The following RAPGEF2 variants were observed in gnomAD, a reference collection of about 807,000 sequenced individuals.
RAPGEF2 encodes the protein PDZ domain containing guanine nucleotide exchange factor (GEF) 1.
Under a neutral mutation model 186.7 loss-of-function variants are expected in RAPGEF2, and 54 were observed. The observed-to-expected ratio is 0.29, with a 90% CI of 0.23 to 0.36. The LOEUF (loss-of-function observed/expected upper bound fraction) is 0.36. Among genes scored for constraint, RAPGEF2 ranks in the 10% least tolerant of loss-of-function variants. RAPGEF2 has a pLI of 1.00. For missense variants in RAPGEF2, 1,532 were observed against 2,045.0 expected (o/e 0.75, Z 4.84); for synonymous variants, 712 against 705.9 (o/e 1.01, Z -0.14).
At chr4:159,344,015 C>G (rs1729920525) in intron 22 of RAPGEF2, 21 bp from the exon 23 acceptor site, 1 of 1,530,278 alleles carries the variant, frequency 6.5e-7, no homozygotes, top group Non-Finnish European at 9.1e-7. Flanking sequence ...ATGCTTCAAT[C>G]TCCATGGCTC....
At chr4:159,342,093 TTAATCC>T (rs1729545664) in intron 20 of RAPGEF2, 146 bp downstream of exon 20, 1 of 809,118 alleles carries the variant, frequency 1.2e-6, no homozygotes, top group Admixed American at 3.0e-5. Flanking sequence ...AATCCTAACC[TTAATCC>T]TTAATTTAAA....
intron 4 of RAPGEF2, among the ~76,000 whole-genome samples, chr4:159,213,345 A>G (rs920103827): frequency 6.6e-6 from 1 of 152,248 alleles, no homozygotes; most frequent in Non-Finnish European, 1.5e-5. Flanking sequence ...TTTATAAAAC[A>G]ACTAGTTTAC....
intron 1 of RAPGEF2, among the ~76,000 whole-genome samples, chr4:159,113,689 C>T (rs1738743272): frequency 6.7e-6 from 1 of 148,402 alleles, no homozygotes; most frequent in Non-Finnish European, 1.5e-5. Flanking sequence ...TTGCAGTGAG[C>T]CGAGATTGCA....
At chr4:159,330,071 G>A in intron 12 of RAPGEF2, 61 bp downstream of exon 12, 2 of 1,531,160 alleles carry the variant, frequency 1.3e-6, no homozygotes, top group Non-Finnish European at 1.8e-6. Flanking sequence ...ATTGGTTGTG[G>A]CAGTTTAGGA....
In RAPGEF2 at chr4:159,355,959, G is replaced by C; in HGVS notation, c.4758G>C (p.Pro1586=). Residue 1586 remains proline, a synonymous_variant, in exon 29 of 30, where the codon CCG becomes CCC. Coordinates refer to ENST00000691494, the MANE Select transcript of RAPGEF2 (RefSeq NM_001394067.2). ...PEGHSHPARK[P]PDYNVALQRS... ...GGCACTCCCATCCAGCCAGGAAACC[G>C]CCGGACTACAACGTGGCCCTTCAGA... is the stretch of plus-strand genomic sequence containing the variant. 2.2e-6 allele frequency: 3 copies of C among 1,346,270 alleles called. No individual in the cohort carries two copies. In the South Asian group the frequency reaches 3.4e-5, roughly 15 times the overall value. 83.4% of individuals were successfully genotyped at this position (1,346,270 alleles called of 1,614,324 possible).
intron 9 of RAPGEF2, among the ~76,000 whole-genome samples, chr4:159,316,562 T>C (rs1764636982): frequency 6.6e-6 from 1 of 152,136 alleles, no homozygotes; most frequent in Non-Finnish European, 1.5e-5. Flanking sequence ...GGTAAAAACA[T>C]GTAGTATTTG....
At chr4:159,152,851 C>T (rs1213656073) in intron 1 of RAPGEF2, among the ~76,000 whole-genome samples, 1 of 152,168 alleles carries the variant, frequency 6.6e-6, no homozygotes, top group African/African-American at 2.4e-5. Flanking sequence ...GATCTCCTGA[C>T]CTCATGATCC....
At chr4:159,157,431 T>C (rs1744244327) in intron 1 of RAPGEF2, among the ~76,000 whole-genome samples, 1 of 152,202 alleles carries the variant, frequency 6.6e-6, no homozygotes, top group Non-Finnish European at 1.5e-5. Context: ...TTATTGCTAA[T>C]ACTCCCAAAT....
intron 1 of RAPGEF2, among the ~76,000 whole-genome samples, chr4:159,127,701 T>C (rs1740509956): frequency 6.6e-6 from 1 of 152,218 alleles, no homozygotes; most frequent in Non-Finnish European, 1.5e-5. Flanking sequence ...AATATTCAAA[T>C]GTATAATATG....
chr4:159,316,872 A>G (rs1764669228), intron 9 of RAPGEF2, among the ~76,000 whole-genome samples: 1 of 152,180 alleles, frequency 6.6e-6, no homozygotes, highest in Non-Finnish European at 1.5e-5. Context: ...GGATTTGAGT[A>G]TGCCTCCCAG....
intron 1 of RAPGEF2, among the ~76,000 whole-genome samples, chr4:159,135,850 C>T (rs1188230274): frequency 6.6e-6 from 1 of 152,176 alleles, no homozygotes; most frequent in African/African-American, 2.4e-5. Flanking sequence ...CTGCCCGCCT[C>T]GGCCTCCCAA....
intron 1 of RAPGEF2, among the ~76,000 whole-genome samples, chr4:159,111,352 A>G (rs780383928): frequency 1.3e-5 from 2 of 152,196 alleles, no homozygotes; most frequent in African/African-American, 4.8e-5. Context: ...GTTGTTTCTC[A>G]TTGCTTGCCT....
At chr4:159,104,406 G>C (rs944380961) in intron 1 of RAPGEF2, among the ~76,000 whole-genome samples, 175 bp downstream of exon 1, 3 of 149,774 alleles carry the variant, frequency 2.0e-5, no homozygotes, top group African/African-American at 7.4e-5. Context: ...CGCCTATCCT[G>C]GTTTTATTTT....
chr4:159,286,137 C>G (rs1306577360), intron 7 of RAPGEF2, among the ~76,000 whole-genome samples: 3 of 146,578 alleles, frequency 2.0e-5, no homozygotes, highest in African/African-American at 7.5e-5. Flanking sequence ...ATTAGAGTCC[C>G]TAGTTTTCCT....
intron 1 of RAPGEF2, among the ~76,000 whole-genome samples, chr4:159,130,949 A>T (rs1051977406): frequency 6.6e-6 from 1 of 152,178 alleles, no homozygotes; most frequent in Non-Finnish European, 1.5e-5. Context: ...GGCTCAAGCA[A>T]TCTGCCCAAA....
At chr4:159,312,373 C>G (rs1764052096) in intron 8 of RAPGEF2, among the ~76,000 whole-genome samples, 1 of 152,062 alleles carries the variant, frequency 6.6e-6, no homozygotes, top group African/African-American at 2.4e-5. Flanking sequence ...TCATAGCAAG[C>G]ATTAGCAAAT....
intron 1 of RAPGEF2, among the ~76,000 whole-genome samples, chr4:159,180,733 A>T (rs935611625): frequency 5.3e-5 from 8 of 152,192 alleles, no homozygotes; most frequent in African/African-American, 1.9e-4. Context: ...AGTACCCCCT[A>T]AAAATCATGA....
chr4:159,214,312 C>A (rs1239148758), intron 4 of RAPGEF2, among the ~76,000 whole-genome samples: 1 of 152,128 alleles, frequency 6.6e-6, no homozygotes, highest in African/African-American at 2.4e-5. Context: ...AATTGACAGG[C>A]AGAGGGTAGT....
At chr4:159,143,929 GTC>G (rs1444925261) in intron 1 of RAPGEF2, among the ~76,000 whole-genome samples, 3 of 152,212 alleles carry the variant, frequency 2.0e-5, no homozygotes, top group Admixed American at 2.0e-4. Context: ...GATGTGTATA[GTC>G]AGTTTGTTCA....
Sources: allele counts gnomAD v4.1 joint callset (sites outside exome capture counted in the v4.1 genomes callset), GRCh38; gene constraint gnomAD v4.1.1; transcripts MANE v1.5; gene names NCBI Gene and HGNC (gene_info 2026-07-23, HGNC 2026-07-21).